Variants in MACROD2 observed in about 807,000 individuals in gnomAD.
MACROD2 encodes the protein ADP-ribose glycohydrolase MACROD2.
MACROD2 carries 36 observed loss-of-function variants against 70.4 expected under a neutral mutation model. That is an observed-to-expected ratio of 0.51 (90% CI 0.39 to 0.68). The LOEUF is 0.68. MACROD2 is among the 30% of genes least tolerant of loss of function. The probability of loss-of-function intolerance (pLI) is 0.00; values close to 1 mark genes in which losing one functional copy is unlikely to be tolerated. For synonymous variants in MACROD2, 172 were observed against 178.8 expected (o/e 0.96, Z 0.30); for missense variants, 496 against 538.4 (o/e 0.92, Z 0.78).
intron 3 of MACROD2, among the ~76,000 whole-genome samples, chr20:14,118,081 AT>A (rs2054537449): frequency 6.6e-6 from 1 of 152,222 alleles, no homozygotes; most frequent in Admixed American, 6.5e-5. Flanking sequence ...TAATAAATGA[AT>A]ATTGTTTTAA....
intron 5 of MACROD2, among the ~76,000 whole-genome samples, chr20:14,874,671 G>GTATTTATTTATT (rs71190161): frequency 7.0e-6 from 1 of 143,070 alleles, no homozygotes; most frequent in Non-Finnish European, 1.5e-5. Context: ...AAAAAAGGTT[G>GTATTTATTTATT]TATTTATTTA....
At chr20:14,487,142 G>A (rs775374434) in intron 3 of MACROD2, among the ~76,000 whole-genome samples, 75 of 152,292 alleles carry the variant, frequency 4.9e-4, no homozygotes, top group Non-Finnish European at 8.4e-4. Flanking sequence ...CTGAAATAGT[G>A]GAGGTTTTCT....
At chr20:15,482,471 C>T (rs2047111122) in intron 7 of MACROD2, among the ~76,000 whole-genome samples, 1 of 152,182 alleles carries the variant, frequency 6.6e-6, no homozygotes, top group South Asian at 2.1e-4. Context: ...CAGAAACTCT[C>T]CTTCATTGCT....
chr20:15,079,998 A>T (rs1004020352), intron 5 of MACROD2, among the ~76,000 whole-genome samples: 2 of 152,042 alleles, frequency 1.3e-5, no homozygotes, highest in African/African-American at 2.4e-5. Flanking sequence ...CTGCTTCTTT[A>T]TCCCATACAC....
Position 14,526,790 on chromosome 20 carries a change from G to T in MACROD2, c.301+33282G>T, listed in dbSNP as rs186944788. Among the ~76,000 whole-genome samples, 596 of 152,278 alleles carry T rather than the reference G, an allele frequency of 3.9e-3. 1 individual carries two copies. Among genetic ancestry groups the T allele is most frequent in the African/African-American group, 0.013 (541 of 41,556 alleles). On this transcript the variant is annotated intron_variant, in intron 4 of 17. Transcript: ENST00000684519. ...ACAGGCTGTGGGGCTCCAAACCCAC[G>T]ACAGTGTCTAGGGGTGAACGCTGAG...
rs868583488 is a variant in MACROD2 at position 15,981,059 on chromosome 20, G to C, written c.986-5668G>C. ...TGCTTCGTTTTCCGCAGGAAGCATA[G>C]ACAGGGAATGCCTAGGAGTTCGCCT... On this transcript the variant is annotated intron_variant, in intron 13 of 17. Coordinates refer to ENST00000684519, the MANE Select transcript of MACROD2 (RefSeq NM_001351661.2). Among the ~76,000 whole-genome samples, 3 of 152,324 alleles carry C rather than the reference G, an allele frequency of 2.0e-5. No homozygotes were observed. The South Asian group carries it at 6.2e-4, about 32-fold the overall frequency.
chr20:14,325,305 A>G (rs192657890), intron 3 of MACROD2: 1 of 337,060 alleles, frequency 3.0e-6, no homozygotes, highest in African/African-American at 2.1e-5. Flanking sequence ...AGGAAAATAC[A>G]GTACAAATTA....
intron 3 of MACROD2, among the ~76,000 whole-genome samples, chr20:14,411,337 T>C (rs1353399725): frequency 6.6e-6 from 1 of 152,072 alleles, no homozygotes; most frequent in African/African-American, 2.4e-5. Flanking sequence ...GAGTAGTTAG[T>C]CACCGGCATG....
chr20:14,869,735 A>G (rs2073466959), intron 5 of MACROD2, among the ~76,000 whole-genome samples: 1 of 152,202 alleles, frequency 6.6e-6, no homozygotes, highest in South Asian at 2.1e-4. Flanking sequence ...GTAAAGTAGT[A>G]TCTGCCATTT....
At chr20:15,180,291 CT>C (rs1351326760) in intron 5 of MACROD2, among the ~76,000 whole-genome samples, 1 of 152,176 alleles carries the variant, frequency 6.6e-6, no homozygotes, top group Non-Finnish European at 1.5e-5. Context: ...TACAAGGAAC[CT>C]GAAAATACTT....
chr20:15,390,814 T>C (rs916328511), intron 6 of MACROD2, among the ~76,000 whole-genome samples: 1 of 152,240 alleles, frequency 6.6e-6, no homozygotes, highest in Non-Finnish European at 1.5e-5. Flanking sequence ...CTGCTTCTAA[T>C]TTGATTGGTC....
intron 5 of MACROD2, among the ~76,000 whole-genome samples, chr20:15,003,572 A>G (rs1233270419): frequency 1.3e-5 from 2 of 152,226 alleles, no homozygotes; most frequent in Non-Finnish European, 2.9e-5. Flanking sequence ...GAGAAAAATT[A>G]TATCCAACAG....
intron 3 of MACROD2, among the ~76,000 whole-genome samples, chr20:14,264,692 A>T (rs1479569259): frequency 1.3e-5 from 2 of 152,164 alleles, no homozygotes; most frequent in African/African-American, 4.8e-5. Context: ...GCCCTGTGTC[A>T]CGTGAGGAGA....
intron 5 of MACROD2, among the ~76,000 whole-genome samples, chr20:15,050,169 C>T (rs1255246966): frequency 6.6e-6 from 1 of 152,090 alleles, no homozygotes; most frequent in Non-Finnish European, 1.5e-5. Context: ...ACAAAAGGAG[C>T]TTTTGATGAT....
At chr20:15,772,238 C>T (rs1246608910) in intron 8 of MACROD2, among the ~76,000 whole-genome samples, 5 of 110,822 alleles carry the variant, frequency 4.5e-5, no homozygotes, top group African/African-American at 1.7e-4. Flanking sequence ...AAACTAAGGA[C>T]TGTGTACCTA....
intron 3 of MACROD2, among the ~76,000 whole-genome samples, chr20:14,370,089 G>A (rs995180073): frequency 6.6e-6 from 1 of 152,120 alleles, no homozygotes; most frequent in African/African-American, 2.4e-5. Flanking sequence ...GAGATAAATG[G>A]AAATTAATTT....
chr20:15,491,610 C>T (rs2047232522), intron 7 of MACROD2, among the ~76,000 whole-genome samples: 1 of 152,222 alleles, frequency 6.6e-6, no homozygotes, highest in South Asian at 2.1e-4. Flanking sequence ...AAGCACACAC[C>T]TCAGCATTAT....
chr20:15,548,802 G>A (rs1033519158), intron 8 of MACROD2, among the ~76,000 whole-genome samples: 2 of 152,140 alleles, frequency 1.3e-5, no homozygotes, highest in Non-Finnish European at 2.9e-5. Flanking sequence ...ACCTTCCTTG[G>A]GGGAAGTCAG....
In MACROD2 at chr20:15,464,278, C is replaced by T. The variant is rs1326966492; in HGVS notation, c.571+32843C>T. 2.0e-5 allele frequency among the ~76,000 whole-genome samples: 3 copies of T among 152,074 alleles called. No individual in the cohort carries two copies. In the South Asian group the frequency reaches 6.2e-4, roughly 32 times the overall value. On this transcript the variant is annotated intron_variant, in intron 7 of 17. Coordinates refer to ENST00000684519, the MANE Select transcript of MACROD2 (RefSeq NM_001351661.2). Reference sequence around the variant, plus strand: ...TGATCCTCCTGCTTCAGCCTCCCAACGTGTTGGGATTACAGGCATGAGCCA... The same window carrying T: ...TGATCCTCCTGCTTCAGCCTCCCAATGTGTTGGGATTACAGGCATGAGCCA...
Sources: gnomAD v4.1 joint callset for allele counts (sites outside exome capture counted in the v4.1 genomes callset) on GRCh38, gnomAD v4.1.1 for gene constraint, MANE v1.5 for transcripts, NCBI Gene and HGNC (gene_info 2026-07-23, HGNC 2026-07-21) for gene names.